Variants in NEURL1B observed in about 807,000 individuals in gnomAD.
NEURL1B encodes the protein E3 ubiquitin-protein ligase NEURL1B.
A neutral mutation model predicts 37.4 loss-of-function variants in NEURL1B; 13 were observed. That is an observed-to-expected ratio of 0.35 (90% CI 0.23 to 0.55). The LOEUF is 0.55. Ranked by LOEUF, NEURL1B falls within the 20% of genes least tolerant of loss-of-function variation. The pLI, the probability that NEURL1B is intolerant of heterozygous loss-of-function variation, is 0.89. For missense variants in NEURL1B, 790 were observed against 879.2 expected (o/e 0.90, Z 1.28); for synonymous variants, 432 against 426.6 (o/e 1.01, Z -0.16).
At chr5:172,672,891 C>A (rs1395502889) in intron 2 of NEURL1B, among the ~76,000 whole-genome samples, 1 of 152,040 alleles carries the variant, frequency 6.6e-6, no homozygotes, top group African/African-American at 2.4e-5. Context: ...CTCTGAGTCA[C>A]CTTTAAAAAA....
intron 2 of NEURL1B, among the ~76,000 whole-genome samples, chr5:172,677,033 C>A (rs1264530052): frequency 6.6e-6 from 1 of 151,360 alleles, no homozygotes; most frequent in African/African-American, 2.4e-5. Context: ...CAAGGTCTCC[C>A]AGCTGGTCAG....
chr5:172,683,873 G>T lies in NEURL1B; in HGVS notation c.1032G>T (p.Ser344=), dbSNP rs918312427. 37 of 1,395,366 alleles carry T rather than the reference G, an allele frequency of 2.7e-5. No homozygotes were observed. In the East Asian group the frequency reaches 7.9e-4, roughly 30 times the overall value. 86.4% of individuals were successfully genotyped at this position (1,395,366 alleles called of 1,614,324 possible). A position where few individuals can be genotyped will look rare whatever the true frequency, so the allele number is the denominator to read the frequency against. ...GCGCGCTGGCCTTCGGCATCACGTCGTGCGACCCGGGCGTGCTACGGCCCA... is the reference window on the plus strand; with the variant it reads ...GCGCGCTGGCCTTCGGCATCACGTCTTGCGACCCGGGCGTGCTACGGCCCA... The part of the protein sequence containing the change: ...APGALAFGIT[S]CDPGVLRPNE... Residue 344 remains serine (S), a synonymous_variant, in exon 3 of 5, where the codon TCG becomes TCT. Transcript: ENST00000369800. The surrounding 1 kb of genome is among the most constrained non-coding windows in gnomAD (Gnocchi z 5.6).
rs1758409029 is a variant in NEURL1B at position 172,683,538 on chromosome 5, C to G, written c.697C>G (p.Gln233Glu). ...NFDNNELENN[Q>E]VVAKLGHLAL... Reference sequence around the variant, plus strand: ...CGACAACAACGAGCTCGAGAACAACCAGGTGGTGGCCAAGCTGGGCCACCT... The same window carrying G: ...CGACAACAACGAGCTCGAGAACAACGAGGTGGTGGCCAAGCTGGGCCACCT... Residue 233 changes from glutamine to glutamate, a missense_variant, in exon 3 of 5, where the codon CAG (glutamine) becomes GAG (glutamate). By Grantham distance (29) the Gln-to-Glu change is conservative (BLOSUM62 2). Coordinates refer to ENST00000369800, the MANE Select transcript of NEURL1B (RefSeq NM_001142651.3). This position sits in a 1 kb window ranked among gnomAD's most constrained non-coding sequence, Gnocchi z 5.6. 1 of 1,490,522 alleles carries G rather than the reference C, an allele frequency of 6.7e-7. No homozygotes were observed. The highest frequency in any genetic ancestry group is 1.5e-5 in the African/African-American group (1 of 68,838). 92.3% of individuals were successfully genotyped at this position (1,490,522 alleles called of 1,614,324 possible).
chr5:172,655,307 G>A (rs1757751082), intron 1 of NEURL1B, among the ~76,000 whole-genome samples: 1 of 152,038 alleles, frequency 6.6e-6, no homozygotes, highest in South Asian at 2.1e-4. Context: ...CAAACCAGGG[G>A]GTGTCTTGCC....
rs932347395 is a variant in NEURL1B, at chr5:172,670,058, C to G, written c.305C>G (p.Thr102Ser). The G allele has an allele frequency of 1.4e-4, 209 of 1,519,938 alleles. No homozygotes were observed. The highest frequency in any genetic ancestry group is 1.8e-5 in the Non-Finnish European group (21 of 1,139,874). 94.2% of individuals were successfully genotyped at this position (1,519,938 alleles called of 1,614,324 possible). A position where few individuals can be genotyped will look rare whatever the true frequency, so the allele number is the denominator to read the frequency against. ...AGCGGCGCGCTGCGCTTCGGCTTCACCGCGCACGATCCGTCGCTCATGAGC... is the reference window on the plus strand; with the variant it reads ...AGCGGCGCGCTGCGCTTCGGCTTCAGCGCGCACGATCCGTCGCTCATGAGC... The part of the protein sequence containing the change: ...GWSGALRFGF[T>S]AHDPSLMSAQ... Residue 102 changes from threonine (T) to serine (S), a missense_variant, in exon 2 of 5, where the codon ACC becomes AGC. This residue lies in a region of NEURL1B where 215 missense variants were observed against 309.2 expected (regional missense o/e 0.70). Coordinates refer to ENST00000369800, the MANE Select transcript of NEURL1B (RefSeq NM_001142651.3).
Position 172,684,063 on chromosome 5 carries a change from T to G in NEURL1B, c.1222T>G (p.Cys408Gly). The G allele has an allele frequency of 7.6e-7, 1 of 1,324,052 alleles. No individual in the cohort carries two copies. Among genetic ancestry groups the G allele is most frequent in the Non-Finnish European group, 9.7e-7 (1 of 1,036,054 alleles). The allele number at this position is 1,324,052 out of a possible 1,614,324, so 82.0% of individuals were successfully genotyped here. Residue 408 changes from cysteine to glycine, a missense_variant, in exon 3 of 5, where the codon TGC becomes GGC. By Grantham distance (159) the Cys-to-Gly change is radical. Transcript: ENST00000369800. ...CGGGCGTCCGCGCGGCCGCCTGCTG[T>G]GCGTCGACACCACGCAGGCGCTCTG... ...INGRPRGRLL[C>G]VDTTQALWAF...
At chr5:172,659,586 G>A (rs997624558) in intron 1 of NEURL1B, among the ~76,000 whole-genome samples, 1 of 152,160 alleles carries the variant, frequency 6.6e-6, no homozygotes, top group Admixed American at 6.5e-5. Context: ...AAGGCCCAGG[G>A]TTTCAATCTC....
At position 172,647,569 on chromosome 5, in the gene NEURL1B, G is replaced by T. The variant is rs1479916966; in HGVS notation, c.31+6132G>T. Among the ~76,000 whole-genome samples the T allele has an allele frequency of 6.6e-6, 1 of 152,060 alleles. No homozygotes were observed. Among genetic ancestry groups the T allele is most frequent in the Non-Finnish European group, 1.5e-5 (1 of 68,008 alleles). Reference sequence around the variant, plus strand: ...CCTGGGGCCTCTTGCGGCTCCTCTTGCTGACTTGCTGCTGCCCCTTGTCCT... The same window carrying T: ...CCTGGGGCCTCTTGCGGCTCCTCTTTCTGACTTGCTGCTGCCCCTTGTCCT... On this transcript the variant is annotated intron_variant, in intron 1 of 4. Transcript: ENST00000369800. This position sits in a 1 kb window ranked among gnomAD's most constrained non-coding sequence, Gnocchi z 4.2.
rs921426624 is a variant in NEURL1B, at chr5:172,661,929, T to C, written c.32-7856T>C. 1.3e-5 allele frequency among the ~76,000 whole-genome samples: 2 copies of C among 152,354 alleles called. No individual in the cohort carries two copies. Among genetic ancestry groups the C allele is most frequent in the East Asian group, 3.9e-4 (2 of 5,184 alleles). On this transcript the variant is annotated intron_variant, in intron 1 of 4. Transcript: ENST00000369800. The surrounding 1 kb of genome is among the most constrained non-coding windows in gnomAD (Gnocchi z 4.0). ...CTGGCATAGTTTAAAAATAGGCTTC[T>C]GTCCTTGGACACCAAGGGGAAGCAA...
At chr5:172,669,591 G>A (rs1758079111) in intron 1 of NEURL1B, among the ~76,000 whole-genome samples, 194 bp from the exon 2 acceptor site, 1 of 152,164 alleles carries the variant, frequency 6.6e-6, no homozygotes, top group Admixed American at 6.5e-5. Context: ...CGGGTATGCT[G>A]ACTGCTGTGG....
intron 1 of NEURL1B, among the ~76,000 whole-genome samples, chr5:172,651,356 A>T (rs565540324): frequency 3.7e-4 from 56 of 152,328 alleles, no homozygotes; most frequent in African/African-American, 1.3e-3. Context: ...TGACAAGAAT[A>T]AGTGCACCTA....
intron 2 of NEURL1B, among the ~76,000 whole-genome samples, chr5:172,682,468 C>T (rs564149018): frequency 1.3e-5 from 2 of 152,118 alleles, no homozygotes; most frequent in South Asian, 2.1e-4. Flanking sequence ...CCCAGCTACT[C>T]GGGAGGCTGA....
At chr5:172,677,743 T>C (rs2174423) in intron 2 of NEURL1B, among the ~76,000 whole-genome samples, 1 of 152,038 alleles carries the variant, frequency 6.6e-6, no homozygotes, top group African/African-American at 2.4e-5. Context: ...ATGGTTCCTG[T>C]CATTTGTCTA....
At position 172,686,139 on chromosome 5, in the gene NEURL1B, A is replaced by G. The variant is rs1021595167; in HGVS notation, c.1298-32A>G. On this transcript the variant is annotated intron_variant, in intron 3 of 4. Transcript: ENST00000369800. This position sits in a 1 kb window ranked among gnomAD's most constrained non-coding sequence, Gnocchi z 7.9. ...ACTAGCAGGGCAGGTCCAACCTTCC[A>G]CTGCCCCTGATGGAATCTCTTTGGG... The G allele has an allele frequency of 7.7e-6, 12 of 1,549,550 alleles. No homozygotes were observed. Among genetic ancestry groups the G allele is most frequent in the African/African-American group, 1.4e-5 (1 of 73,006 alleles).
rs1757703298 is a variant in NEURL1B, at chr5:172,653,318, A to C, written c.31+11881A>C. The stretch of plus-strand genomic sequence containing the variant: ...ACTGAAGAAATCCAAACACCATTTT[A>C]TATTTGACAATGCTTCCAGTATGAT... On this transcript the variant is annotated intron_variant, in intron 1 of 4. Transcript: ENST00000369800. Among the ~76,000 whole-genome samples, 3 of 152,160 alleles carry C rather than the reference A, an allele frequency of 2.0e-5. No homozygotes were observed. In the South Asian group the frequency reaches 6.2e-4, roughly 32 times the overall value.
At position 172,689,652 on chromosome 5, in the gene NEURL1B, G is replaced by C. The variant is rs1273525423; in HGVS notation, c.*2727G>C. Reference sequence around the variant, plus strand: ...TGATCACACAACAGGAGATGGCAGGGCTGGGATTCAAACCCGGGAGTGTCT... The same window carrying C: ...TGATCACACAACAGGAGATGGCAGGCCTGGGATTCAAACCCGGGAGTGTCT... On this transcript the variant is annotated 3_prime_UTR_variant, in exon 5 of 5. Coordinates refer to ENST00000369800, the MANE Select transcript of NEURL1B (RefSeq NM_001142651.3). The C allele has an allele frequency of 6.6e-6, 1 of 152,222 alleles. No homozygotes were observed. The highest frequency in any genetic ancestry group is 6.5e-5 in the Admixed American group (1 of 15,292). 9.4% of individuals were successfully genotyped at this position (152,222 alleles called of 1,614,324 possible).
chr5:172,672,848 A>G (rs1361737294), intron 2 of NEURL1B, among the ~76,000 whole-genome samples: 1 of 152,190 alleles, frequency 6.6e-6, no homozygotes, highest in African/African-American at 2.4e-5. Flanking sequence ...TCCATGGGTG[A>G]TGAGATAATG....
chr5:172,652,499 G>A (rs888795976), intron 1 of NEURL1B, among the ~76,000 whole-genome samples: 1 of 152,238 alleles, frequency 6.6e-6, no homozygotes. Flanking sequence ...CAAAATGAAT[G>A]TATGGTTTTT....
intron 1 of NEURL1B, among the ~76,000 whole-genome samples, chr5:172,666,508 G>A (rs552818870): frequency 6.6e-6 from 1 of 152,272 alleles, no homozygotes; most frequent in East Asian, 1.9e-4. Flanking sequence ...AGCAGAAGAG[G>A]GCGCCCCTAG....
Sources: gnomAD v4.1 joint callset for allele counts (sites outside exome capture counted in the v4.1 genomes callset) on GRCh38, gnomAD v4.1.1 for gene constraint, gnomAD v4.1.1 regional missense constraint, Gnocchi (gnomAD v3.1) non-coding constraint, MANE v1.5 for transcripts, NCBI Gene and HGNC (gene_info 2026-07-23, HGNC 2026-07-21) for gene names.